Variants in CCSER1 observed in about 807,000 individuals in gnomAD.
CCSER1 encodes serine-rich coiled-coil domain-containing protein 1.
CCSER1 carries 41 observed loss-of-function variants against 82.0 expected under a neutral mutation model. The ratio of observed to expected loss-of-function variants is 0.50; its 90% CI spans 0.39 to 0.65. CCSER1 has a LOEUF of 0.65. Among genes scored for constraint, CCSER1 ranks in the 30% least tolerant of loss-of-function variants. CCSER1 has a pLI of 0.00. For missense variants in CCSER1, 1,119 were observed against 1,064.2 expected (o/e 1.05, Z -0.72); for synonymous variants, 414 against 383.9 (o/e 1.08, Z -0.92).
intron 10 of CCSER1, among the ~76,000 whole-genome samples, chr4:91,393,179 T>A (rs1429674333): frequency 6.6e-6 from 1 of 152,110 alleles, no homozygotes; most frequent in East Asian, 1.9e-4. Context: ...TCGGTACTGA[T>A]ATTATTGGTA....
intron 8 of CCSER1, among the ~76,000 whole-genome samples, chr4:90,843,762 G>A (rs1762853646): frequency 6.6e-6 from 1 of 152,010 alleles, no homozygotes; most frequent in Admixed American, 6.6e-5. Context: ...TCTTGGTCAT[G>A]TTAATCTATT....
chr4:90,829,661 C>G (rs1372916690), intron 8 of CCSER1, among the ~76,000 whole-genome samples: 1 of 152,022 alleles, frequency 6.6e-6, no homozygotes, highest in Non-Finnish European at 1.5e-5. Context: ...TTTAAAAAGT[C>G]TTTAGAACAT....
intron 3 of CCSER1, among the ~76,000 whole-genome samples, chr4:90,344,847 A>T (rs1742049889): frequency 6.6e-6 from 1 of 152,154 alleles, no homozygotes; most frequent in Admixed American, 6.5e-5. Flanking sequence ...GATAACTTCA[A>T]AAGAGAACAT....
chr4:90,942,341 GA>G (rs1731694042), intron 9 of CCSER1, among the ~76,000 whole-genome samples: 1 of 152,076 alleles, frequency 6.6e-6, no homozygotes, highest in Non-Finnish European at 1.5e-5. Flanking sequence ...ATGGGGGGAA[GA>G]AAAAATATGT....
intron 10 of CCSER1, among the ~76,000 whole-genome samples, chr4:91,427,536 G>C (rs1048991193): frequency 2.6e-5 from 4 of 151,978 alleles, no homozygotes; most frequent in Admixed American, 2.6e-4. Flanking sequence ...ATATACAATG[G>C]AGAAAAAAAT....
At chr4:90,959,583 A>G (rs987522808) in intron 9 of CCSER1, among the ~76,000 whole-genome samples, 1 of 152,184 alleles carries the variant, frequency 6.6e-6, no homozygotes, top group African/African-American at 2.4e-5. Context: ...AATCCTAAAA[A>G]TAACTTAAAG....
chr4:90,261,760 T>C (rs934986097), intron 1 of CCSER1, among the ~76,000 whole-genome samples: 1 of 152,222 alleles, frequency 6.6e-6, no homozygotes, highest in Non-Finnish European at 1.5e-5. Flanking sequence ...CCATATTACA[T>C]AATCCCATAT....
chr4:90,782,471 C>A (rs917428285), intron 7 of CCSER1, among the ~76,000 whole-genome samples: 4 of 152,002 alleles, frequency 2.6e-5, no homozygotes, highest in Non-Finnish European at 5.9e-5. Flanking sequence ...TTAAAAAACT[C>A]TATTAAGGCT....
At chr4:91,322,579 T>A (rs535296763) in intron 10 of CCSER1, among the ~76,000 whole-genome samples, 2 of 147,104 alleles carry the variant, frequency 1.4e-5, no homozygotes, top group African/African-American at 5.1e-5. Flanking sequence ...TAGCACATAG[T>A]AGTTGCTCAA....
intron 6 of CCSER1, among the ~76,000 whole-genome samples, chr4:90,662,080 C>G (rs1443422584): frequency 6.6e-6 from 1 of 150,798 alleles, no homozygotes; most frequent in African/African-American, 2.4e-5. Flanking sequence ...CTCATTGCAA[C>G]CTCCGCCTCC....
chr4:90,492,705 T>A (rs1560606289), intron 5 of CCSER1, among the ~76,000 whole-genome samples: 1 of 152,200 alleles, frequency 6.6e-6, no homozygotes, highest in Non-Finnish European at 1.5e-5. Flanking sequence ...TCCCAGAGAT[T>A]CTGATATGTT....
intron 5 of CCSER1, among the ~76,000 whole-genome samples, chr4:90,574,251 ATTTTTTTTTTTT>A (rs777629017): frequency 3.5e-5 from 3 of 86,074 alleles, no homozygotes; most frequent in African/African-American, 1.8e-4. Flanking sequence ...AAACACATTA[ATTTTTTTTTTTT>A]TTTTTTTTTT....
chr4:91,475,955 T>C (rs1272560675), intron 10 of CCSER1, among the ~76,000 whole-genome samples: 2 of 151,852 alleles, frequency 1.3e-5, no homozygotes, highest in East Asian at 3.9e-4. Context: ...CCATCCATGT[T>C]GCTGCAAATG....
At chr4:90,672,569 A>T (rs537521911) in intron 6 of CCSER1, among the ~76,000 whole-genome samples, 1 of 152,114 alleles carries the variant, frequency 6.6e-6, no homozygotes, top group Admixed American at 6.6e-5. Context: ...CTTTCTTATT[A>T]TTTATGCATT....
rs1003363222 is a variant in CCSER1 at position 91,376,799 on chromosome 4, G to A, written c.2218-221773G>A. 1.1e-3 allele frequency among the ~76,000 whole-genome samples: 175 copies of A among 152,220 alleles called. 2 individuals carry two copies. The highest frequency in any genetic ancestry group is 2.4e-4 in the Non-Finnish European group (16 of 68,022). ...ATACTTTAAGTTCTAGGGTACATGT[G>A]CACAATGTGCAGGTTTGTTACATAT... is the stretch of plus-strand genomic sequence containing the variant. On this transcript the variant is annotated intron_variant, in intron 10 of 10. Coordinates refer to ENST00000509176, the MANE Select transcript of CCSER1 (RefSeq NM_001145065.2).
intron 10 of CCSER1, among the ~76,000 whole-genome samples, chr4:91,471,969 C>A (rs79253355): frequency 1.5e-4 from 13 of 88,088 alleles, no homozygotes; most frequent in East Asian, 3.4e-4. Context: ...CACTCCATCT[C>A]AAAAAAAAAA....
chr4:90,349,387 G>T (rs1175526544), intron 3 of CCSER1, among the ~76,000 whole-genome samples: 2 of 152,024 alleles, frequency 1.3e-5, no homozygotes, highest in Admixed American at 1.3e-4. Flanking sequence ...TAAAGTAATT[G>T]TATAAAGGCA....
chr4:91,114,003 C>T (rs535025301), intron 10 of CCSER1, among the ~76,000 whole-genome samples: 113 of 152,256 alleles, frequency 7.4e-4, no homozygotes, highest in African/African-American at 2.3e-3. Flanking sequence ...CAGGCGCCCA[C>T]TACCACGCCC....
intron 9 of CCSER1, among the ~76,000 whole-genome samples, chr4:91,072,620 A>G (rs551643891): frequency 1.2e-4 from 19 of 152,234 alleles, no homozygotes; most frequent in African/African-American, 4.6e-4. Flanking sequence ...AAAATAAAGT[A>G]TTAGTTACTT....
Sources: gnomAD v4.1 joint callset for allele counts (sites outside exome capture counted in the v4.1 genomes callset) on GRCh38, gnomAD v4.1.1 for gene constraint, MANE v1.5 for transcripts, NCBI Gene and HGNC (gene_info 2026-07-23, HGNC 2026-07-21) for gene names.